ALKBH8: variants seen among roughly 807,000 people sequenced by gnomAD.
The protein encoded by ALKBH8 is alkB homolog 8, tRNA methyltransferase, also known as tRNA (carboxymethyluridine(34)-5-O)-methyltransferase ALKBH8.
Under a neutral mutation model 59.8 loss-of-function variants are expected in ALKBH8, and 36 were observed. The observed-to-expected ratio is 0.60, with a 90% CI of 0.46 to 0.79. ALKBH8 has a LOEUF of 0.79. Among genes scored for constraint, ALKBH8 ranks in the 30% least tolerant of loss-of-function variants. The pLI, the probability that ALKBH8 is intolerant of heterozygous loss-of-function variation, is 0.00. For synonymous variants in ALKBH8, 276 were observed against 273.6 expected (o/e 1.01, Z -0.09); for missense variants, 768 against 801.0 (o/e 0.96, Z 0.50).
intron 10 of ALKBH8, among the ~76,000 whole-genome samples, chr11:107,514,580 A>T (rs1486791498): frequency 1.3e-5 from 2 of 152,218 alleles, no homozygotes; most frequent in Admixed American, 1.3e-4. Context: ...TTACCTGTGT[A>T]AGATACATGC....
chr11:107,530,063 G>A (rs1411897324), intron 8 of ALKBH8, among the ~76,000 whole-genome samples: 1 of 152,128 alleles, frequency 6.6e-6, no homozygotes, highest in Non-Finnish European at 1.5e-5. Flanking sequence ...CAATTTTCAA[G>A]AGAAGCTGAA....
intron 10 of ALKBH8, among the ~76,000 whole-genome samples, chr11:107,516,807 C>T (rs1862882422): frequency 6.6e-6 from 1 of 152,118 alleles, no homozygotes; most frequent in African/African-American, 2.4e-5. Flanking sequence ...TCACTGAAGC[C>T]CAGGCCTGGA....
intron 11 of ALKBH8, among the ~76,000 whole-genome samples, chr11:107,507,585 T>C (rs1862443919): frequency 6.6e-6 from 1 of 152,212 alleles, no homozygotes; most frequent in Admixed American, 6.5e-5. Context: ...CTTTATGTAT[T>C]GTCTCATTTA....
intron 2 of ALKBH8, among the ~76,000 whole-genome samples, chr11:107,558,818 A>AT (rs928850244): frequency 3.4e-4 from 51 of 152,108 alleles, no homozygotes; most frequent in Non-Finnish European, 1.0e-4. Flanking sequence ...GAGAATGTGA[A>AT]TTTTTTTTAA....
At chr11:107,550,309 T>G (rs972433386) in intron 6 of ALKBH8, among the ~76,000 whole-genome samples, 1 of 152,200 alleles carries the variant, frequency 6.6e-6, no homozygotes, top group South Asian at 2.1e-4. Flanking sequence ...GGTGAGGGTA[T>G]ACAAAGCCAG....
At chr11:107,550,352 G>A (rs1864439441) in intron 6 of ALKBH8, among the ~76,000 whole-genome samples, 1 of 152,224 alleles carries the variant, frequency 6.6e-6, no homozygotes, top group Non-Finnish European at 1.5e-5. Flanking sequence ...GAGCTTACAA[G>A]CCAATGGAAA....
chr11:107,504,550 G>T lies in ALKBH8; in HGVS notation c.*108C>A. ...TCCAAATTTTTCTCAGCTTTCCTTTGGTACTTTCCCACAAGTTTTCTCTTT... is the reference window on the plus strand; with the variant it reads ...TCCAAATTTTTCTCAGCTTTCCTTTTGTACTTTCCCACAAGTTTTCTCTTT... On this transcript the variant is annotated 3_prime_UTR_variant, in exon 12 of 12. Transcript: ENST00000428149. 1 of 1,391,402 alleles carries T rather than the reference G, an allele frequency of 7.2e-7. No individual in the cohort carries two copies. The highest frequency in any genetic ancestry group is 9.9e-7 in the Non-Finnish European group (1 of 1,008,174). The allele number at this position is 1,391,402 out of a possible 1,614,324, so 86.2% of individuals were successfully genotyped here.
chr11:107,531,542 G>A (rs1012657518), intron 8 of ALKBH8, among the ~76,000 whole-genome samples: 1 of 152,196 alleles, frequency 6.6e-6, no homozygotes, highest in Non-Finnish European at 1.5e-5. Context: ...TAAACATAAT[G>A]TGGGATCATA....
At chr11:107,552,470 T>C (rs1031226093) in intron 5 of ALKBH8, among the ~76,000 whole-genome samples, 1 of 152,082 alleles carries the variant, frequency 6.6e-6, no homozygotes, top group Non-Finnish European at 1.5e-5. Context: ...CTTAATCAAT[T>C]AGACACTTCA....
intron 7 of ALKBH8, among the ~76,000 whole-genome samples, chr11:107,544,101 A>T (rs1331475219): frequency 6.6e-6 from 1 of 152,068 alleles, no homozygotes; most frequent in African/African-American, 2.4e-5. Context: ...AGTTTTCTGA[A>T]CTCTATTGAT....
intron 7 of ALKBH8, among the ~76,000 whole-genome samples, chr11:107,534,522 C>T (rs934945295): frequency 1.2e-4 from 18 of 152,088 alleles, no homozygotes; most frequent in South Asian, 2.1e-4. Flanking sequence ...ACAATACATA[C>T]GTATTTGTGA....
At chr11:107,505,681 A>C (rs117633648) in intron 11 of ALKBH8, among the ~76,000 whole-genome samples, 2,695 of 152,378 alleles carry the variant, frequency 0.018, 27 homozygotes, top group Non-Finnish European at 0.026. Flanking sequence ...TACATAAAAC[A>C]GCTGCTTAAG....
chr11:107,522,210 T>TA (rs1398786393), intron 10 of ALKBH8, 89 bp downstream of exon 10: 22 of 1,425,762 alleles, frequency 1.5e-5, no homozygotes, highest in Middle Eastern at 2.3e-4. Context: ...GGCAATGATC[T>TA]AAAAAAACAG....
In ALKBH8 at chr11:107,505,139, GC is replaced by G. The variant is rs1300164232; in HGVS notation, c.1513del (p.Ala505GlnfsTer27). 1 of 1,550,776 alleles carries G rather than the reference GC, an allele frequency of 6.4e-7. No homozygotes were observed. Among genetic ancestry groups the G allele is most frequent in the Non-Finnish European group, 8.7e-7 (1 of 1,146,846 alleles). ...CTGCTTATTATATTCTTGTTCCATT[GC>G]CCAGACATAAATGAGTGCCTTCCCA... ...PGGKALIYVWAMEQEYNKQKS... is the reference protein window; with the variant it reads ...PGGKALIYVWXMEQEYNKQKS... On this transcript the variant is annotated frameshift_variant, in exon 12 of 12. Coordinates refer to ENST00000428149, the MANE Select transcript of ALKBH8 (RefSeq NM_138775.3). LOFTEE classifies it low-confidence loss of function (END_TRUNC).
At chr11:107,536,063 T>G (rs1402838109) in intron 7 of ALKBH8, among the ~76,000 whole-genome samples, 1 of 152,234 alleles carries the variant, frequency 6.6e-6, no homozygotes, top group East Asian at 1.9e-4. Flanking sequence ...TACCAATCAC[T>G]GAGTTTCACA....
At chr11:107,522,749 T>G (rs995759989) in intron 9 of ALKBH8, among the ~76,000 whole-genome samples, 194 bp from the exon 10 acceptor site, 1 of 152,088 alleles carries the variant, frequency 6.6e-6, no homozygotes, top group Non-Finnish European at 1.5e-5. Flanking sequence ...AAGGCTGCAG[T>G]GAGCTATGAT....
intron 10 of ALKBH8, among the ~76,000 whole-genome samples, chr11:107,514,018 C>T (rs1862750883): frequency 6.6e-6 from 1 of 151,966 alleles, no homozygotes. Context: ...TATAACAAAC[C>T]TGCACATGTA....
intron 8 of ALKBH8, among the ~76,000 whole-genome samples, chr11:107,529,782 A>G (rs746244386): frequency 6.6e-6 from 1 of 152,060 alleles, no homozygotes; most frequent in Non-Finnish European, 1.5e-5. Flanking sequence ...GATTACAGGC[A>G]TGAGCCACCG....
At chr11:107,562,388 A>C (rs1016056429) in intron 1 of ALKBH8, among the ~76,000 whole-genome samples, 1 of 152,136 alleles carries the variant, frequency 6.6e-6, no homozygotes, top group African/African-American at 2.4e-5. Flanking sequence ...AGAACACTAT[A>C]GAATCAAATA....
Sources: allele counts gnomAD v4.1 joint callset (sites outside exome capture counted in the v4.1 genomes callset), GRCh38; gene constraint gnomAD v4.1.1; transcripts MANE v1.5; gene names NCBI Gene and HGNC (gene_info 2026-07-23, HGNC 2026-07-21).